Variants in TASP1 observed in about 807,000 individuals in gnomAD.
TASP1 encodes taspase 1.
In TASP1, 16 loss-of-function variants were observed where a neutral mutation model predicts 56.6. That is an observed-to-expected ratio of 0.28 (90% CI 0.19 to 0.43). The LOEUF (loss-of-function observed/expected upper bound fraction) is 0.43. TASP1 is among the 20% of genes least tolerant of loss of function. TASP1 has a pLI of 1.00. For synonymous variants in TASP1, 179 were observed against 184.2 expected, an observed-to-expected ratio of 0.97 and a Z score of 0.23; for missense variants, 393 against 511.6, an observed-to-expected ratio of 0.77 and a Z score of 2.24.
intron 11 of TASP1, among the ~76,000 whole-genome samples, chr20:13,478,606 A>G (rs2146482080): frequency 6.6e-6 from 1 of 152,266 alleles, no homozygotes; most frequent in Middle Eastern, 3.4e-3. Context: ...ATGAGAAATT[A>G]CGTAATGGGT....
At chr20:13,180,446 A>T in the TASP1 span, among the ~76,000 whole-genome samples, 1 of 152,062 alleles carries the variant, frequency 6.6e-6, no homozygotes, top group South Asian at 2.1e-4. Context: ...ATATTTTCTT[A>T]ATCTTCTGGG....
At chr20:13,414,232 A>T (rs181698629) in intron 13 of TASP1, among the ~76,000 whole-genome samples, 234 of 152,286 alleles carry the variant, frequency 1.5e-3, no homozygotes, top group Admixed American at 2.9e-3. Context: ...TCCTCATTTT[A>T]AATGTGTCTG....
intron 10 of TASP1, among the ~76,000 whole-genome samples, chr20:13,512,081 T>C (rs2044352031): frequency 6.6e-6 from 1 of 152,192 alleles, no homozygotes; most frequent in Non-Finnish European, 1.5e-5. Context: ...TGCATGTGTC[T>C]TTATAGCAGC....
chr20:13,198,818 CTTTCTTTCTTT>C, the TASP1 span, among the ~76,000 whole-genome samples: 1 of 137,068 alleles, frequency 7.3e-6, no homozygotes, highest in South Asian at 2.6e-4. Context: ...TTCTTTCTTT[CTTTCTTTCTTT>C]CTTTCTTTCT....
chr20:13,147,880 A>G, the TASP1 span, among the ~76,000 whole-genome samples: 3 of 152,330 alleles, frequency 2.0e-5, no homozygotes, highest in African/African-American at 7.2e-5. Flanking sequence ...AAAATAAGTC[A>G]TCCCATGGTA....
chr20:13,252,623 C>T, the TASP1 span, among the ~76,000 whole-genome samples: 1 of 152,010 alleles, frequency 6.6e-6, no homozygotes, highest in Non-Finnish European at 1.5e-5. Context: ...GGTGTGGTGG[C>T]GTGCACCTGT....
chr20:13,393,249 G>A lies in TASP1; in HGVS notation c.1171-2797C>T, dbSNP rs762867196. ...CCAGAAGACTGTGGATGGCCCCTCCGGGAAACTGTGGCATGAGGGCTGTGT... is the reference window on the plus strand; with the variant it reads ...CCAGAAGACTGTGGATGGCCCCTCCAGGAAACTGTGGCATGAGGGCTGTGT... On this transcript the variant is annotated intron_variant, in intron 13 of 13. Coordinates refer to ENST00000337743, the MANE Select transcript of TASP1 (RefSeq NM_017714.3). 58 of 737,270 alleles carry A rather than the reference G, an allele frequency of 7.9e-5. 1 individual carries two copies. Among genetic ancestry groups the A allele is most frequent in the Middle Eastern group, 3.8e-4 (1 of 2,658 alleles). The allele number at this position is 737,270 out of a possible 1,614,324, so 45.7% of individuals were successfully genotyped here.
At chr20:13,486,935 T>C (rs1480523007) in intron 10 of TASP1, among the ~76,000 whole-genome samples, 1 of 152,188 alleles carries the variant, frequency 6.6e-6, no homozygotes, top group East Asian at 1.9e-4. Flanking sequence ...AGGGCAATGA[T>C]GTCTGCTTTC....
chr20:13,133,707 G>A, the TASP1 span, among the ~76,000 whole-genome samples: 2 of 152,134 alleles, frequency 1.3e-5, no homozygotes, highest in Non-Finnish European at 2.9e-5. Context: ...CACCAGAGCT[G>A]AGAGGCCAAA....
chr20:13,512,113 A>G (rs1396129479), intron 10 of TASP1, among the ~76,000 whole-genome samples: 2 of 152,120 alleles, frequency 1.3e-5, no homozygotes, highest in Non-Finnish European at 2.9e-5. Flanking sequence ...TCCTTTGGGT[A>G]TATACCCAGT....
chr20:13,179,589 T>C, the TASP1 span, among the ~76,000 whole-genome samples: 2 of 152,288 alleles, frequency 1.3e-5, no homozygotes, highest in Admixed American at 1.3e-4. Context: ...ACCCTGAAGA[T>C]AATGGTCAAG....
the TASP1 span, among the ~76,000 whole-genome samples, chr20:13,246,709 T>C: frequency 3.3e-5 from 5 of 152,254 alleles, no homozygotes; most frequent in East Asian, 3.8e-4. Context: ...TCTAAGACCT[T>C]GTCCAATCCC....
the TASP1 span, among the ~76,000 whole-genome samples, chr20:13,223,162 A>AT: frequency 0.02 from 2,985 of 146,030 alleles, 55 homozygotes; most frequent in Non-Finnish European, 0.033. Context: ...GTCTCAAAAA[A>AT]AAAATAAAAT....
the TASP1 span, among the ~76,000 whole-genome samples, chr20:13,287,060 C>G: frequency 6.7e-6 from 1 of 149,614 alleles, no homozygotes; most frequent in Admixed American, 6.8e-5. Flanking sequence ...TGACCTTGAA[C>G]CAGGCATCCT....
intron 10 of TASP1, among the ~76,000 whole-genome samples, chr20:13,522,566 G>C (rs1198112887): frequency 6.6e-6 from 1 of 152,154 alleles, no homozygotes; most frequent in Admixed American, 6.5e-5. Context: ...TATTTCAAGA[G>C]AACACGTTTA....
At chr20:13,325,612 C>T in the TASP1 span, among the ~76,000 whole-genome samples, 6 of 152,184 alleles carry the variant, frequency 3.9e-5, no homozygotes, top group Non-Finnish European at 7.3e-5. Context: ...GTGTTCCCTT[C>T]GGAAGACGAA....
intron 4 of TASP1, among the ~76,000 whole-genome samples, chr20:13,606,207 T>C (rs2048145313): frequency 6.6e-6 from 1 of 152,046 alleles, no homozygotes; most frequent in African/African-American, 2.4e-5. Flanking sequence ...GTGATTAGTA[T>C]TATAAAGAAG....
At chr20:13,117,541 T>TA in the TASP1 span, 6 of 1,609,378 alleles carry the variant, frequency 3.7e-6, no homozygotes, top group Non-Finnish European at 4.2e-6. Context: ...CCCCAGATCA[T>TA]AGCTCTAAAG....
the TASP1 span, among the ~76,000 whole-genome samples, chr20:13,298,466 G>C: frequency 6.6e-6 from 1 of 152,170 alleles, no homozygotes; most frequent in Admixed American, 6.5e-5. Context: ...TCTTAAGTTT[G>C]TTAGGAGTGA....
Sources: allele counts gnomAD v4.1 joint callset (sites outside exome capture counted in the v4.1 genomes callset), GRCh38; gene constraint gnomAD v4.1.1; transcripts MANE v1.5; gene names NCBI Gene and HGNC (gene_info 2026-07-23, HGNC 2026-07-21).